Variants in NUCB2 observed in about 807,000 individuals in gnomAD.
NUCB2 encodes the protein nucleobindin-2.
Under a neutral mutation model 57.9 loss-of-function variants are expected in NUCB2, and 48 were observed. The observed-to-expected ratio is 0.83, with a 90% CI of 0.66 to 1.05. The LOEUF is 1.05. NUCB2 is among the 50% of genes least tolerant of loss of function. NUCB2 has a pLI of 0.00. For missense variants in NUCB2, 442 were observed against 476.2 expected, an observed-to-expected ratio of 0.93 and a Z score of 0.67; for synonymous variants, 139 against 152.1, an observed-to-expected ratio of 0.91 and a Z score of 0.64.
chr11:17,302,514 G>A (rs768697118), intron 5 of NUCB2, among the ~76,000 whole-genome samples: 1 of 152,104 alleles, frequency 6.6e-6, no homozygotes, highest in African/African-American at 2.4e-5. Context: ...AAATTTTTCA[G>A]AGATCTAGCC....
Position 17,303,096 on chromosome 11 carries a change from G to A in NUCB2, c.379+1226G>A, listed in dbSNP as rs1341054009. Reference sequence around the variant, plus strand: ...TGGTCTTGCTGTGTTGCCCAGGCTGGTCTCAAACTTCTGGCCTCAAGTAAT... The same window carrying A: ...TGGTCTTGCTGTGTTGCCCAGGCTGATCTCAAACTTCTGGCCTCAAGTAAT... On this transcript the variant is annotated intron_variant, in intron 5 of 13. Transcript: ENST00000529010. Among the ~76,000 whole-genome samples the A allele has an allele frequency of 5.3e-5, 8 of 152,152 alleles. No individual in the cohort carries two copies. The East Asian group carries it at 1.5e-3, about 29-fold the overall frequency.
chr11:17,301,939 G>A, intron 5 of NUCB2, 69 bp downstream of exon 5: 3 of 1,382,704 alleles, frequency 2.2e-6, no homozygotes, highest in Non-Finnish European at 2.0e-6. Flanking sequence ...TTACCCTGTG[G>A]TTCAGGCTGG....
chr11:17,303,469 A>G (rs929422934), intron 5 of NUCB2, among the ~76,000 whole-genome samples: 8 of 152,236 alleles, frequency 5.3e-5, no homozygotes, highest in Admixed American at 2.0e-4. Flanking sequence ...ATCAAAAAAA[A>G]GTCATAAAGT....
Position 17,330,903 on chromosome 11 carries a change from T to A in NUCB2, c.1175T>A (p.Val392Asp). 1.3e-6 allele frequency: 2 copies of A among 1,583,376 alleles called. No individual in the cohort carries two copies. The highest frequency in any genetic ancestry group is 1.1e-5 in the South Asian group (1 of 90,306). ...LEAQKLEYHQ[V>D]IQQMEQKKLQ... Reference sequence around the variant, plus strand: ...TAACTTTCATTTTCCATTCACCAGGTCATACAGCAGATGGAACAAAAAAAA... The same window carrying A: ...TAACTTTCATTTTCCATTCACCAGGACATACAGCAGATGGAACAAAAAAAA... The change falls in exon 13 of 14, where the codon GTC becomes GAC. Residue 392 changes from valine to aspartate, a missense_variant and splice_region_variant. Val to Asp is a radical substitution (Grantham distance 152). Coordinates refer to ENST00000529010, the MANE Select transcript of NUCB2 (RefSeq NM_005013.4). This position sits in a 1 kb window ranked among gnomAD's most constrained non-coding sequence, Gnocchi z 4.3.
chr11:17,330,274 G>T lies in NUCB2; in HGVS notation c.1150G>T (p.Ala384Ser). The change falls in exon 12 of 14, where the codon GCT (alanine) becomes TCT (serine). Residue 384 changes from alanine (A) to serine (S), a missense_variant. By Grantham distance (99) the Ala-to-Ser change is moderately conservative (BLOSUM62 1). Transcript: ENST00000529010. The surrounding 1 kb of genome is among the most constrained non-coding windows in gnomAD (Gnocchi z 4.3). Reference sequence around the variant, plus strand: ...ACAACGTCAGCATGATCAACTGGAGGCTCAGAAGCTGGAATATCATCAGGT... The same window carrying T: ...ACAACGTCAGCATGATCAACTGGAGTCTCAGAAGCTGGAATATCATCAGGT... ...ELQRQHDQLE[A>S]QKLEYHQVIQ... 3 of 1,603,080 alleles carry T rather than the reference G, an allele frequency of 1.9e-6. No individual in the cohort carries two copies. In the African/African-American group the frequency reaches 4.0e-5, roughly 22 times the overall value.
intron 4 of NUCB2, 39 bp from the exon 5 acceptor site, chr11:17,301,705 A>G (rs1279620238): frequency 6.6e-7 from 1 of 1,523,290 alleles, no homozygotes; most frequent in Non-Finnish European, 9.1e-7. Flanking sequence ...TAAAAATGGA[A>G]TGTAATAGAT....
At chr11:17,313,755 G>C (rs1948846955) in intron 10 of NUCB2, among the ~76,000 whole-genome samples, 2 of 151,944 alleles carry the variant, frequency 1.3e-5, no homozygotes, top group Non-Finnish European at 2.9e-5. Context: ...CCCCTCCTCA[G>C]TTTCCTCATA....
At chr11:17,331,346 A>G in intron 13 of NUCB2, 66 bp from the exon 14 acceptor site, 1 of 920,202 alleles carries the variant, frequency 1.1e-6, no homozygotes, top group Non-Finnish European at 1.6e-6. Context: ...ATATTTGTAT[A>G]TGAAGGAACA....
chr11:17,310,244 T>G (rs551112965), intron 6 of NUCB2, among the ~76,000 whole-genome samples: 4 of 152,298 alleles, frequency 2.6e-5, no homozygotes, highest in Admixed American at 6.5e-5. Context: ...TTCTTTTTTT[T>G]TTTTAAATCA....
intron 1 of NUCB2, among the ~76,000 whole-genome samples, chr11:17,277,662 T>G (rs1380076553): frequency 6.6e-6 from 1 of 152,240 alleles, no homozygotes; most frequent in African/African-American, 2.4e-5. Context: ...CATTTAAGCC[T>G]GCTACTAAGG....
intron 11 of NUCB2, among the ~76,000 whole-genome samples, chr11:17,329,454 T>G (rs148997687): frequency 2.6e-4 from 39 of 152,338 alleles, no homozygotes; most frequent in African/African-American, 7.5e-4. Flanking sequence ...GCCAGGAAAT[T>G]CAGTGCCCAT....
Position 17,315,455 on chromosome 11 carries a change from T to C in NUCB2, c.982T>C (p.Leu328=). The C allele has an allele frequency of 1.9e-6, 3 of 1,610,246 alleles. No homozygotes were observed. The highest frequency in any genetic ancestry group is 1.7e-6 in the Non-Finnish European group (2 of 1,176,966). ...FLKATEKKEF[L]EPDSWETLDQ... is the part of the protein sequence containing the mutation. The stretch of plus-strand genomic sequence containing the variant: ...GAAAGCCACAGAAAAAAAAGAATTC[T>C]TGGAGCCAGATAGCTGGGAGGTAAT... Residue 328 remains leucine, a synonymous_variant, in exon 11 of 14, where the codon TTG becomes CTG. Coordinates refer to ENST00000529010, the MANE Select transcript of NUCB2 (RefSeq NM_005013.4).
chr11:17,301,650 A>T, intron 4 of NUCB2, 94 bp from the exon 5 acceptor site: 1 of 748,040 alleles, frequency 1.3e-6, no homozygotes, highest in Non-Finnish European at 2.2e-6. Context: ...AAAAGTATTT[A>T]TCACTAATGT....
At position 17,340,377 on chromosome 11, in the gene NUCB2, G is replaced by T. The variant is rs531896234; in HGVS notation, n.2626+2843G>T. The stretch of plus-strand genomic sequence containing the variant: ...AATTAGATCCCATTTGTCAATTTTG[G>T]CTTTTGTTGCCATTGCTTTTGGTGT... On this transcript the variant is annotated intron_variant and non_coding_transcript_variant, in intron 2 of 2. Transcript: ENST00000532240. Among the ~76,000 whole-genome samples the T allele has an allele frequency of 1.3e-4, 20 of 152,092 alleles. No homozygotes were observed. In the East Asian group the frequency reaches 3.7e-3, roughly 28 times the overall value.
Position 17,330,815 on chromosome 11 carries a change from T to C in NUCB2, c.1174-87T>C. ...AATATCTTTGTTTTAGAAAACAATT[T>C]TCATTTACTTTGTTGTGCTTTGTCA... is the stretch of plus-strand genomic sequence containing the variant. On this transcript the variant is annotated intron_variant, in intron 12 of 13. Coordinates refer to ENST00000529010, the MANE Select transcript of NUCB2 (RefSeq NM_005013.4). The surrounding 1 kb of genome is among the most constrained non-coding windows in gnomAD (Gnocchi z 4.3). The C allele has an allele frequency of 1.2e-6, 1 of 840,920 alleles. No homozygotes were observed. The highest frequency in any genetic ancestry group is 2.0e-6 in the Non-Finnish European group (1 of 500,476). 52.1% of individuals were successfully genotyped at this position (840,920 alleles called of 1,614,324 possible).
chr11:17,300,967 CTTTTT>C (rs71047541), intron 4 of NUCB2, among the ~76,000 whole-genome samples: 1 of 84,390 alleles, frequency 1.2e-5, no homozygotes, highest in Non-Finnish European at 2.3e-5. Flanking sequence ...TAAAGCTAAT[CTTTTT>C]TTTTTTTTTT....
At chr11:17,285,010 T>C (rs1591201039) in intron 2 of NUCB2, among the ~76,000 whole-genome samples, 1 of 121,324 alleles carries the variant, frequency 8.2e-6, no homozygotes, top group African/African-American at 3.5e-5. Context: ...AGAAACAAAG[T>C]CTCAATACAT....
chr11:17,340,438 G>T (rs1293411632), intron 2 of NUCB2, among the ~76,000 whole-genome samples: 17 of 152,160 alleles, frequency 1.1e-4, no homozygotes, highest in Admixed American at 1.0e-3. Flanking sequence ...CCTATGTCCT[G>T]AATGGTATTG....
intron 10 of NUCB2, among the ~76,000 whole-genome samples, chr11:17,312,412 T>A (rs2138962613): frequency 6.6e-6 from 1 of 151,722 alleles, no homozygotes; most frequent in Non-Finnish European, 1.5e-5. Context: ...AATATTTTTT[T>A]TTTTTTTTTG....
Sources: gnomAD v4.1 joint callset for allele counts (sites outside exome capture counted in the v4.1 genomes callset) on GRCh38, gnomAD v4.1.1 for gene constraint, Gnocchi (gnomAD v3.1) non-coding constraint, MANE v1.5 for transcripts, NCBI Gene and HGNC (gene_info 2026-07-23, HGNC 2026-07-21) for gene names.